GLIS3: variants seen among roughly 807,000 people sequenced by gnomAD.
GLIS3 encodes zinc finger protein GLIS3.
A neutral mutation model predicts 78.6 loss-of-function variants in GLIS3; 53 were observed. The observed-to-expected ratio is 0.67, with a 90% CI of 0.54 to 0.85. The LOEUF (loss-of-function observed/expected upper bound fraction) is 0.85. Ranked by LOEUF, GLIS3 falls within the 40% of genes least tolerant of loss-of-function variation. The pLI is 0.00. For missense variants in GLIS3, 1,703 were observed against 1,231.1 expected (o/e 1.38, Z -5.74); for synonymous variants, 684 against 509.9 (o/e 1.34, Z -4.60).
intron 4 of GLIS3, among the ~76,000 whole-genome samples, chr9:3,975,565 ATT>A (rs144520900): frequency 6.9e-6 from 1 of 144,822 alleles, no homozygotes. Context: ...GCATTGCATC[ATT>A]TTTTTTTTTT....
At chr9:4,340,623 T>C (rs1378522833) in intron 2 of GLIS3, among the ~76,000 whole-genome samples, 1 of 152,164 alleles carries the variant, frequency 6.6e-6, no homozygotes, top group Non-Finnish European at 1.5e-5. Flanking sequence ...ACATCCACGC[T>C]ATTAACCACC....
intron 4 of GLIS3, among the ~76,000 whole-genome samples, chr9:4,012,131 T>C (rs548897816): frequency 6.6e-6 from 1 of 152,288 alleles, no homozygotes; most frequent in East Asian, 1.9e-4. Flanking sequence ...ATTTCTTAAG[T>C]ATAGGGGCTA....
At chr9:4,136,213 A>C (rs917501088) in intron 2 of GLIS3, among the ~76,000 whole-genome samples, 1 of 152,224 alleles carries the variant, frequency 6.6e-6, no homozygotes, top group Middle Eastern at 3.2e-3. Context: ...ATACTCACCT[A>C]GGAACAATCG....
Position 3,977,405 on chromosome 9 carries a change from G to T in GLIS3, c.1711-40216C>A, listed in dbSNP as rs1362379073. On this transcript the variant is annotated intron_variant, in intron 4 of 10. Coordinates refer to ENST00000381971, the MANE Select transcript of GLIS3 (RefSeq NM_001042413.2). The surrounding 1 kb of genome is among the most constrained non-coding windows in gnomAD (Gnocchi z 4.1). Reference sequence around the variant, plus strand: ...ATGGACACATTTAATTTATTTTGGAGAACTGAGGTTGATATCCACTAGTGC... The same window carrying T: ...ATGGACACATTTAATTTATTTTGGATAACTGAGGTTGATATCCACTAGTGC... Among the ~76,000 whole-genome samples the T allele has an allele frequency of 1.3e-5, 2 of 152,174 alleles. No homozygotes were observed. Among genetic ancestry groups the T allele is most frequent in the Non-Finnish European group, 2.9e-5 (2 of 68,036 alleles).
At chr9:4,218,801 T>C (rs895608614) in intron 2 of GLIS3, among the ~76,000 whole-genome samples, 2 of 152,226 alleles carry the variant, frequency 1.3e-5, no homozygotes, top group Admixed American at 6.5e-5. Context: ...TCTCCTAGTC[T>C]CTCACAAGAG....
At chr9:3,981,904 T>C (rs978035375) in intron 4 of GLIS3, among the ~76,000 whole-genome samples, 1 of 152,194 alleles carries the variant, frequency 6.6e-6, no homozygotes, top group Non-Finnish European at 1.5e-5. Flanking sequence ...CAAAAGTTTC[T>C]GGAGAGCTTT....
chr9:4,099,783 G>A (rs1460905066), intron 4 of GLIS3, among the ~76,000 whole-genome samples: 1 of 152,168 alleles, frequency 6.6e-6, no homozygotes, highest in Non-Finnish European at 1.5e-5. Flanking sequence ...ATTTTAAAAT[G>A]TCTGCATTGT....
chr9:4,382,484 T>G, the GLIS3 span, among the ~76,000 whole-genome samples: 1 of 152,230 alleles, frequency 6.6e-6, no homozygotes, highest in Non-Finnish European at 1.5e-5. Context: ...GAAGCCTCTC[T>G]GATTACCTCA....
In GLIS3 at chr9:4,233,758, T is replaced by C. The variant is rs537014853; in HGVS notation, c.388+52280A>G. 6.6e-5 allele frequency among the ~76,000 whole-genome samples: 10 copies of C among 152,348 alleles called. No individual in the cohort carries two copies. The South Asian group carries it at 8.3e-4, about 13-fold the overall frequency. ...AAGCCAGGCATTGACTTCTCCTCTG[T>C]AGCTATGAAAGTCCTAGATGGCATC... is the stretch of plus-strand genomic sequence containing the variant. On this transcript the variant is annotated intron_variant, in intron 2 of 10. Transcript: ENST00000381971.
chr9:4,067,550 T>C (rs1827203814), intron 4 of GLIS3, among the ~76,000 whole-genome samples: 1 of 146,806 alleles, frequency 6.8e-6, no homozygotes, highest in Non-Finnish European at 1.5e-5. Context: ...GAAATAATTC[T>C]ACTGCAAAAA....
chr9:4,222,919 G>T (rs926931012), intron 2 of GLIS3, among the ~76,000 whole-genome samples: 1 of 152,168 alleles, frequency 6.6e-6, no homozygotes, highest in Non-Finnish European at 1.5e-5. Flanking sequence ...GGGAATAATG[G>T]ATTATGCTCT....
At chr9:4,338,367 T>TAC (rs556724177) in intron 2 of GLIS3, among the ~76,000 whole-genome samples, 2,767 of 131,694 alleles carry the variant, frequency 0.021, 40 homozygotes, top group African/African-American at 0.046. Context: ...TATATGTGTG[T>TAC]ACACACACAC....
At chr9:4,480,387 A>T in the GLIS3 span, among the ~76,000 whole-genome samples, 7 of 151,572 alleles carry the variant, frequency 4.6e-5, no homozygotes, top group African/African-American at 1.7e-4. Flanking sequence ...TTTTTTGTAG[A>T]GTCAGTGTCT....
At chr9:4,150,823 T>C (rs1834620982) in intron 2 of GLIS3, 1 of 152,214 alleles carries the variant, frequency 6.6e-6, no homozygotes, top group African/African-American at 2.4e-5. Context: ...AGCTAGTTAA[T>C]GGCAGCATCA....
chr9:4,086,264 A>T (rs151318220), intron 4 of GLIS3, among the ~76,000 whole-genome samples: 2 of 152,122 alleles, frequency 1.3e-5, no homozygotes, highest in African/African-American at 4.8e-5. Context: ...CCAAGTCCCA[A>T]CTGAAGAATC....
At chr9:3,840,687 G>A (rs749701970) in intron 9 of GLIS3, among the ~76,000 whole-genome samples, 2 of 152,206 alleles carry the variant, frequency 1.3e-5, no homozygotes, top group African/African-American at 4.8e-5. Flanking sequence ...TGGAGCAACC[G>A]CCTGGTCCCT....
chr9:4,184,429 C>T (rs1188075480), intron 2 of GLIS3, among the ~76,000 whole-genome samples: 2 of 152,094 alleles, frequency 1.3e-5, no homozygotes, highest in Non-Finnish European at 2.9e-5. Context: ...TTCGAATACC[C>T]CCACTTCAAA....
At chr9:4,163,676 T>A (rs1835677425) in intron 2 of GLIS3, among the ~76,000 whole-genome samples, 1 of 152,188 alleles carries the variant, frequency 6.6e-6, no homozygotes, top group Non-Finnish European at 1.5e-5. Flanking sequence ...TAGCTACACT[T>A]CAGTATTCTG....
At chr9:4,188,550 G>A (rs188351703) in intron 2 of GLIS3, among the ~76,000 whole-genome samples, 173 of 151,868 alleles carry the variant, frequency 1.1e-3, no homozygotes, top group African/African-American at 3.3e-3. Context: ...TCTATTGATT[G>A]GAATAGTTTC....
Sources: allele counts gnomAD v4.1 joint callset (sites outside exome capture counted in the v4.1 genomes callset), GRCh38; gene constraint gnomAD v4.1.1; non-coding constraint Gnocchi (gnomAD v3.1); transcripts MANE v1.5; gene names NCBI Gene and HGNC (gene_info 2026-07-23, HGNC 2026-07-21).